Variants in FHIT observed in about 807,000 individuals in gnomAD.
The protein encoded by FHIT is fragile histidine triad diadenosine triphosphatase, also known as bis(5'-adenosyl)-triphosphatase.
In FHIT, 19 loss-of-function variants were observed where a neutral mutation model predicts 17.9. The ratio of observed to expected loss-of-function variants is 1.06; its 90% CI spans 0.74 to 1.56. The LOEUF (loss-of-function observed/expected upper bound fraction) is 1.56. Ranked by LOEUF, FHIT falls within the 40% of genes most tolerant of loss-of-function variation. The pLI is 0.00. For missense variants in FHIT, 248 were observed against 189.2 expected, an observed-to-expected ratio of 1.31 and a Z score of -1.82; for synonymous variants, 81 against 69.7, an observed-to-expected ratio of 1.16 and a Z score of -0.81.
chr3:60,179,751 C>A (rs73097584), intron 5 of FHIT, among the ~76,000 whole-genome samples: 28,050 of 151,976 alleles, frequency 0.18, 3,154 homozygotes, highest in East Asian at 0.31. Context: ...CATCTGGCCC[C>A]AGCTAGAACC....
intron 8 of FHIT, among the ~76,000 whole-genome samples, chr3:59,851,505 G>A (rs1701933996): frequency 6.6e-6 from 1 of 152,138 alleles, no homozygotes; most frequent in Non-Finnish European, 1.5e-5. Context: ...AACAGCTAAT[G>A]GAGTGGTAGA....
At chr3:60,441,389 T>A (rs990052211) in intron 5 of FHIT, among the ~76,000 whole-genome samples, 15 of 152,046 alleles carry the variant, frequency 9.9e-5, no homozygotes, top group African/African-American at 3.6e-4. Context: ...AAGAGGTGTC[T>A]CCACTTACTT....
At chr3:61,224,901 C>A (rs2039931576) in intron 1 of FHIT, among the ~76,000 whole-genome samples, 1 of 152,104 alleles carries the variant, frequency 6.6e-6, no homozygotes, top group Admixed American at 6.5e-5. Context: ...ATAGTAATAG[C>A]CACATGTTTG....
chr3:61,046,816 T>C (rs2033811035), intron 2 of FHIT, among the ~76,000 whole-genome samples: 1 of 152,188 alleles, frequency 6.6e-6, no homozygotes, highest in Admixed American at 6.6e-5. Flanking sequence ...GCTTCATCCC[T>C]GGGATGCAAG....
chr3:60,403,233 T>G (rs1701730345), intron 5 of FHIT, among the ~76,000 whole-genome samples: 1 of 152,154 alleles, frequency 6.6e-6, no homozygotes, highest in Admixed American at 6.5e-5. Context: ...AAAAAGCAAT[T>G]AGTAGGTTTG....
In FHIT at chr3:60,589,953, T is replaced by C. The variant is rs925044239; in HGVS notation, c.-17-52974A>G. ...CTGTGGCCTTGACCCTCTTCAACTC[T>C]GGGTAAATTTACAAACTTTAGTTTC... On this transcript the variant is annotated intron_variant, in intron 4 of 9. Transcript: ENST00000492590. Among the ~76,000 whole-genome samples, 12 of 152,074 alleles carry C rather than the reference T, an allele frequency of 7.9e-5. 1 individual carries two copies. The highest frequency in any genetic ancestry group is 2.9e-5 in the Non-Finnish European group (2 of 67,976).
At chr3:61,216,895 C>T (rs1361732968) in intron 1 of FHIT, among the ~76,000 whole-genome samples, 1 of 146,718 alleles carries the variant, frequency 6.8e-6, no homozygotes. Flanking sequence ...ATCGCAAGGA[C>T]AAAAAACCAA....
chr3:60,812,599 T>C (rs1553736448), intron 4 of FHIT, among the ~76,000 whole-genome samples: 1 of 152,182 alleles, frequency 6.6e-6, no homozygotes, highest in African/African-American at 2.4e-5. Flanking sequence ...CTCACAGCCA[T>C]GACTCCACTG....
intron 5 of FHIT, among the ~76,000 whole-genome samples, chr3:60,505,447 T>C (rs1382110182): frequency 6.6e-6 from 1 of 152,200 alleles, no homozygotes; most frequent in Non-Finnish European, 1.5e-5. Flanking sequence ...AAAAGATATG[T>C]TAGTTATTAG....
rs191778295 is a variant in FHIT, at chr3:60,241,621, G to A, written c.104-227469C>T. On this transcript the variant is annotated intron_variant, in intron 5 of 9. Coordinates refer to ENST00000492590, the MANE Select transcript of FHIT (RefSeq NM_002012.4). ...GGGATAGAGGCAAAGAGAGATAAAC[G>A]GTAGAGAAACCAGTTCTGAAATGTC... is the stretch of plus-strand genomic sequence containing the variant. 6.0e-4 allele frequency among the ~76,000 whole-genome samples: 92 copies of A among 152,088 alleles called. 2 individuals carry two copies. The highest frequency in any genetic ancestry group is 2.1e-3 in the African/African-American group (86 of 41,520).
intron 4 of FHIT, among the ~76,000 whole-genome samples, chr3:60,820,313 A>G (rs1271841308): frequency 1.3e-5 from 2 of 152,166 alleles, no homozygotes; most frequent in African/African-American, 2.4e-5. Context: ...TTCAAAAAAG[A>G]AAGCCCTCCT....
At chr3:60,056,714 G>A (rs1038652428) in intron 5 of FHIT, among the ~76,000 whole-genome samples, 1 of 152,190 alleles carries the variant, frequency 6.6e-6, no homozygotes, top group Admixed American at 6.5e-5. Flanking sequence ...TGCTGGCTTG[G>A]CAGGAAAACA....
intron 5 of FHIT, among the ~76,000 whole-genome samples, chr3:60,091,020 G>A (rs907164892): frequency 6.6e-6 from 1 of 152,170 alleles, no homozygotes; most frequent in Non-Finnish European, 1.5e-5. Flanking sequence ...ACAACTAGGA[G>A]ATCATTAGCC....
rs11296303 is a variant in FHIT at position 59,862,014 on chromosome 3, G to GA, written c.348+60331dup. The stretch of plus-strand genomic sequence containing the variant: ...CCAAATTATCACAAGATGCCTTTGG[G>GA]AAAAAAAAAAACCTGTAACTGATGC... On this transcript the variant is annotated intron_variant, in intron 8 of 9. Transcript: ENST00000492590. Among the ~76,000 whole-genome samples the GA allele has an allele frequency of 1.6e-3, 239 of 147,396 alleles. 3 individuals carry two copies. In the East Asian group the frequency reaches 0.023, roughly 14 times the overall value.
At chr3:60,624,223 G>A (rs1260755226) in intron 4 of FHIT, among the ~76,000 whole-genome samples, 1 of 152,214 alleles carries the variant, frequency 6.6e-6, no homozygotes, top group Non-Finnish European at 1.5e-5. Context: ...GTGCCAGAAT[G>A]CAAAATGAGA....
chr3:60,124,051 G>C (rs1471173840), intron 5 of FHIT, among the ~76,000 whole-genome samples: 65 of 118,766 alleles, frequency 5.5e-4, no homozygotes, highest in African/African-American at 2.1e-3. Flanking sequence ...GAGAGAGAGA[G>C]AGAGACAGAG....
chr3:59,921,629 T>C (rs560026294), intron 8 of FHIT, among the ~76,000 whole-genome samples: 1 of 150,076 alleles, frequency 6.7e-6, no homozygotes, highest in East Asian at 2.0e-4. Flanking sequence ...TTCTCCTCTT[T>C]GGCTACAATA....
chr3:59,852,731 A>G (rs948861071), intron 8 of FHIT, among the ~76,000 whole-genome samples: 1 of 152,168 alleles, frequency 6.6e-6, no homozygotes, highest in African/African-American at 2.4e-5. Flanking sequence ...TATTATCTCC[A>G]TAATTTTGCC....
intron 4 of FHIT, among the ~76,000 whole-genome samples, chr3:60,611,053 C>G (rs1576967774): frequency 6.6e-6 from 1 of 152,200 alleles, no homozygotes; most frequent in Non-Finnish European, 1.5e-5. Flanking sequence ...AAGGCTCTAG[C>G]CAAGGGGTCC....
Sources: allele counts gnomAD v4.1 joint callset (sites outside exome capture counted in the v4.1 genomes callset), GRCh38; gene constraint gnomAD v4.1.1; transcripts MANE v1.5; gene names NCBI Gene and HGNC (gene_info 2026-07-23, HGNC 2026-07-21).